Variants in GNE observed in about 807,000 individuals in gnomAD.
The protein encoded by GNE is glucosamine (UDP-N-acetyl)-2-epimerase/N-acetylmannosamine kinase, also known as bifunctional UDP-N-acetylglucosamine 2-epimerase/N-acetylmannosamine kinase.
A neutral mutation model predicts 61.8 loss-of-function variants in GNE; 41 were observed. The observed-to-expected ratio is 0.66, with a 90% confidence interval of 0.52 to 0.86. The LOEUF is 0.86. GNE is among the 40% of genes least tolerant of loss of function. GNE has a pLI of 0.00. For synonymous variants in GNE, 264 were observed against 326.4 expected (o/e 0.81, Z 2.06); for missense variants, 608 against 909.1 (o/e 0.67, Z 4.26).
rs567830082 is a variant in GNE at position 36,222,430 on chromosome 9, A to C, written c.1633+347T>G. 1.4e-3 allele frequency among the ~76,000 whole-genome samples: 218 copies of C among 152,092 alleles called. 1 individual carries two copies. The highest frequency in any genetic ancestry group is 5.1e-3 in the African/African-American group (212 of 41,502). ...CGAGACTCCGTCTCAAAAAAAAAAA[A>C]AAAAACATTTCAAGGTAAAATGTAT... On this transcript the variant is annotated intron_variant, in intron 9 of 11. Transcript: ENST00000642385.
intron 1 of GNE, among the ~76,000 whole-genome samples, chr9:36,270,532 T>C: frequency 6.7e-6 from 1 of 149,770 alleles, no homozygotes. Flanking sequence ...TTTTTTTTTT[T>C]TTTGAGACGG....
At chr9:36,226,800 G>A (rs1400508410) in intron 7 of GNE, among the ~76,000 whole-genome samples, 1 of 152,158 alleles carries the variant, frequency 6.6e-6, no homozygotes, top group Admixed American at 6.5e-5. Context: ...AAGGTATGCT[G>A]TACTCAATAA....
At chr9:36,266,376 C>A (rs566602907) in intron 1 of GNE, among the ~76,000 whole-genome samples, 136 of 152,324 alleles carry the variant, frequency 8.9e-4, no homozygotes, top group African/African-American at 3.0e-3. Flanking sequence ...TTTATAGCCT[C>A]CCCAGAAAAG....
rs544304534 is a variant in GNE at position 36,246,350 on chromosome 9, A to G, written c.297T>C (p.Leu99=). 1.4e-5 allele frequency: 22 copies of G among 1,614,088 alleles called. No homozygotes were observed. The East Asian group carries it at 4.2e-4, about 31-fold the overall frequency. Residue 99 remains leucine, a synonymous_variant, in exon 3 of 12, where the codon CTT becomes CTC. Coordinates refer to ENST00000642385, the MANE Select transcript of GNE (RefSeq NM_005476.7). ...GLALVKLPDV[L]NRLKPDIMIV... Reference sequence around the variant, plus strand: ...TCATGATATCAGGCTTCAGGCGATTAAGGACATCTGGCAGCTTCACTAGGG... The same window carrying G: ...TCATGATATCAGGCTTCAGGCGATTGAGGACATCTGGCAGCTTCACTAGGG...
chr9:36,249,166 A>T (rs963846420), intron 2 of GNE, 26 bp downstream of exon 2: 2 of 1,577,422 alleles, frequency 1.3e-6, no homozygotes, highest in Admixed American at 1.7e-5. Context: ...GTTGCAATGA[A>T]GAATAAGAAA....
At chr9:36,256,245 T>C (rs1386677435) in intron 1 of GNE, among the ~76,000 whole-genome samples, 1 of 104,526 alleles carries the variant, frequency 9.6e-6, no homozygotes, top group Non-Finnish European at 1.8e-5. Context: ...AATTCTTTTT[T>C]TTTTTTTTTT....
chr9:36,262,998 G>C (rs1830658135), upstream of GNE, among the ~76,000 whole-genome samples: 2 of 152,068 alleles, frequency 1.3e-5, no homozygotes, highest in Admixed American at 6.6e-5. Context: ...CTACTTTACA[G>C]ACAAAAAGAC....
intron 8 of GNE, 67 bp downstream of exon 8, chr9:36,223,306 C>T: frequency 7.3e-7 from 1 of 1,376,536 alleles, no homozygotes; most frequent in Non-Finnish European, 1.0e-6. Context: ...CTCAGGCATG[C>T]ATCACAAGTT....
chr9:36,222,189 C>T (rs1207936290), intron 9 of GNE, among the ~76,000 whole-genome samples: 8 of 151,912 alleles, frequency 5.3e-5, no homozygotes, highest in African/African-American at 9.7e-5. Flanking sequence ...GAGGCCGAGG[C>T]GGGCGGATCA....
intron 1 of GNE, among the ~76,000 whole-genome samples, chr9:36,273,841 C>T (rs554999974): frequency 6.6e-6 from 1 of 151,092 alleles, no homozygotes; most frequent in South Asian, 2.1e-4. Flanking sequence ...GTCTCACCAT[C>T]TTGGCCAGGC....
At position 36,272,776 on chromosome 9, in the gene GNE, A is replaced by G. The variant is rs145776367; in HGVS notation, c.51+4118T>C. Among the ~76,000 whole-genome samples the G allele has an allele frequency of 3.3e-5, 5 of 151,824 alleles. No homozygotes were observed. The East Asian group carries it at 9.7e-4, about 30-fold the overall frequency. On this transcript the variant is annotated intron_variant, in intron 1 of 11. Coordinates refer to the GNE transcript ENST00000396594. The stretch of plus-strand genomic sequence containing the variant: ...AGAATGAGAGGATTGGAATCATAAG[A>G]ATGTGGAGAAGGGGCCGGGCCCAGT...
chr9:36,220,695 C>T (rs1004314339), intron 9 of GNE, among the ~76,000 whole-genome samples: 4 of 152,184 alleles, frequency 2.6e-5, no homozygotes, highest in African/African-American at 9.7e-5. Context: ...TAAAATGTAT[C>T]ACACACTACC....
In GNE at chr9:36,216,327, A is replaced by ATTGTGTG; in HGVS notation, c.*1037_*1038insCACACAA. On this transcript the variant is annotated 3_prime_UTR_variant, in exon 12 of 12. Transcript: ENST00000642385. ...TTAGTTTGGGGTTAGAGGAGGAAGG[A>ATTGTGTG]TGTGTGTGTGTGTGTGTGTGTGTGT... 8 of 355,722 alleles carry ATTGTGTG rather than the reference A, an allele frequency of 2.2e-5. No homozygotes were observed. The highest frequency in any genetic ancestry group is 1.2e-4 in the African/African-American group (5 of 41,252). 22.0% of individuals were successfully genotyped at this position (355,722 alleles called of 1,614,324 possible).
chr9:36,240,367 T>C (rs1469870202), intron 3 of GNE, among the ~76,000 whole-genome samples: 1 of 152,240 alleles, frequency 6.6e-6, no homozygotes, highest in Non-Finnish European at 1.5e-5. Flanking sequence ...GTTTTAATCA[T>C]AAAGGGATGC....
chr9:36,261,064 C>G (rs1830601335), upstream of GNE, among the ~76,000 whole-genome samples: 1 of 151,968 alleles, frequency 6.6e-6, no homozygotes, highest in African/African-American at 2.4e-5. Flanking sequence ...CATTCCTTGG[C>G]ACATGGCACC....
At chr9:36,256,072 G>A (rs1415350069) in intron 1 of GNE, among the ~76,000 whole-genome samples, 1 of 151,624 alleles carries the variant, frequency 6.6e-6, no homozygotes, top group Non-Finnish European at 1.5e-5. Context: ...TTACAGGCAT[G>A]TGACACCATG....
At chr9:36,275,409 C>A (rs1831224488) in intron 1 of GNE, among the ~76,000 whole-genome samples, 1 of 152,022 alleles carries the variant, frequency 6.6e-6, no homozygotes, top group African/African-American at 2.4e-5. Flanking sequence ...GGGAGACCAG[C>A]CTGACAGGAG....
At chr9:36,268,625 G>A (rs546045394) in intron 1 of GNE, among the ~76,000 whole-genome samples, 1 of 152,032 alleles carries the variant, frequency 6.6e-6, no homozygotes, top group South Asian at 2.1e-4. Context: ...CCATGATCAT[G>A]CCACTGCATC....
intron 1 of GNE, among the ~76,000 whole-genome samples, chr9:36,271,652 G>A (rs1304209692): frequency 6.6e-6 from 1 of 152,164 alleles, no homozygotes; most frequent in Non-Finnish European, 1.5e-5. Context: ...GGGATTACAG[G>A]CGTGAGCCAC....
Sources: allele counts gnomAD v4.1 joint callset (sites outside exome capture counted in the v4.1 genomes callset), GRCh38; gene constraint gnomAD v4.1.1; transcripts MANE v1.5; gene names NCBI Gene and HGNC (gene_info 2026-07-23, HGNC 2026-07-21).